POLN: variants seen among roughly 807,000 people sequenced by gnomAD.
The protein encoded by POLN is DNA polymerase nu, also known as DNA polymerase N.
A neutral mutation model predicts 113.5 loss-of-function variants in POLN; 108 were observed. The observed-to-expected ratio is 0.95, with a 90% CI of 0.81 to 1.12. The LOEUF is 1.12. Ranked by LOEUF, POLN falls within the 50% of genes most tolerant of loss-of-function variation. POLN has a pLI of 0.00. For synonymous variants in POLN, 386 were observed against 391.5 expected, an observed-to-expected ratio of 0.99 and a Z score of 0.17; for missense variants, 1,097 against 1,077.1, an observed-to-expected ratio of 1.02 and a Z score of -0.26.
Position 2,087,641 on chromosome 4 carries a change from G to T in POLN, c.2066-1897C>A, listed in dbSNP as rs912736294. On this transcript the variant is annotated intron_variant, in intron 20 of 25. Coordinates refer to ENST00000511885, the MANE Select transcript of POLN (RefSeq NM_181808.4). Reference sequence around the variant, plus strand: ...ACTTCCTTGAGCTTAGTAATTAATAGAAACTTTAAAATCCTTGTCTGTTAA... The same window carrying T: ...ACTTCCTTGAGCTTAGTAATTAATATAAACTTTAAAATCCTTGTCTGTTAA... Among the ~76,000 whole-genome samples the T allele has an allele frequency of 9.2e-5, 14 of 152,044 alleles. 1 individual carries two copies. Among genetic ancestry groups the T allele is most frequent in the African/African-American group, 3.1e-4 (13 of 41,374 alleles).
At chr4:2,203,264 G>T (rs944470931) in intron 5 of POLN, among the ~76,000 whole-genome samples, 2 of 152,078 alleles carry the variant, frequency 1.3e-5, no homozygotes, top group African/African-American at 4.8e-5. Flanking sequence ...GCTCAAAAAT[G>T]AAATCAAGAT....
At chr4:2,182,508 A>G (rs1399086889) in intron 7 of POLN, among the ~76,000 whole-genome samples, 1 of 152,218 alleles carries the variant, frequency 6.6e-6, no homozygotes, top group Non-Finnish European at 1.5e-5. Flanking sequence ...TTTCCCTCAG[A>G]GACTCCAGAA....
intron 21 of POLN, among the ~76,000 whole-genome samples, chr4:2,084,157 C>T (rs1730496357): frequency 6.6e-6 from 1 of 152,262 alleles, no homozygotes; most frequent in Admixed American, 6.5e-5. Flanking sequence ...CTAGACTATT[C>T]TCAGGGGTGG....
intron 19 of POLN, among the ~76,000 whole-genome samples, chr4:2,111,144 T>C (rs1290912783): frequency 6.6e-6 from 1 of 152,226 alleles, no homozygotes; most frequent in Admixed American, 6.5e-5. Flanking sequence ...AAAAACCACA[T>C]GATTTTCTCA....
chr4:2,115,828 T>C (rs977233871), intron 19 of POLN, among the ~76,000 whole-genome samples: 4 of 152,212 alleles, frequency 2.6e-5, no homozygotes, highest in Admixed American at 6.5e-5. Flanking sequence ...TGGTTTGAAA[T>C]GTTTTGTGAA....
intron 8 of POLN, among the ~76,000 whole-genome samples, chr4:2,179,095 C>T (rs990070814): frequency 4.6e-5 from 7 of 152,194 alleles, no homozygotes; most frequent in African/African-American, 1.7e-4. Flanking sequence ...GGACAGATTT[C>T]CTAGGAACAG....
At chr4:2,241,829 G>A in intron 1 of POLN, 39 bp from the exon 2 acceptor site, 5 of 985,396 alleles carry the variant, frequency 5.1e-6, no homozygotes, top group Non-Finnish European at 6.0e-6. Flanking sequence ...AATCGCCGTC[G>A]ACACCGAGCT....
intron 21 of POLN, among the ~76,000 whole-genome samples, chr4:2,084,302 G>A (rs549373618): frequency 1.3e-5 from 2 of 152,344 alleles, no homozygotes; most frequent in Admixed American, 6.5e-5. Context: ...TGGCCCACCT[G>A]CCCATGCTGG....
chr4:2,153,082 C>A (rs1248049945), intron 16 of POLN, among the ~76,000 whole-genome samples: 2 of 152,152 alleles, frequency 1.3e-5, no homozygotes, highest in Non-Finnish European at 2.9e-5. Flanking sequence ...TACAACACAC[C>A]CACATGTGGA....
chr4:2,082,429 T>C (rs1730442931), intron 21 of POLN, among the ~76,000 whole-genome samples: 1 of 152,200 alleles, frequency 6.6e-6, no homozygotes, highest in Non-Finnish European at 1.5e-5. Flanking sequence ...AGGAGGGGGA[T>C]GTCTCAGTCA....
At chr4:2,158,093 A>T (rs1423855799) in intron 14 of POLN, among the ~76,000 whole-genome samples, 182 bp from the exon 15 acceptor site, 2 of 152,148 alleles carry the variant, frequency 1.3e-5, no homozygotes, top group Non-Finnish European at 2.9e-5. Context: ...CTGGGATTAC[A>T]GGCATGCGCC....
chr4:2,158,073 T>C (rs897019318), intron 14 of POLN, among the ~76,000 whole-genome samples, 162 bp from the exon 15 acceptor site: 1 of 152,152 alleles, frequency 6.6e-6, no homozygotes, highest in Non-Finnish European at 1.5e-5. Flanking sequence ...TGCCTCAGTC[T>C]CCTGAGTAGC....
At chr4:2,178,717 T>C (rs1733056052) in intron 8 of POLN, among the ~76,000 whole-genome samples, 1 of 151,892 alleles carries the variant, frequency 6.6e-6, no homozygotes, top group Admixed American at 6.6e-5. Flanking sequence ...GTTCAAGCAA[T>C]TCTCCTGCCT....
rs754136457 is a variant in POLN, at chr4:2,170,784, A to C, written c.1459-10T>G. ...ACTTGCCAAAGAGGATCTTCAACAA[A>C]ACAAATTAAACATGGTGAGGGAATC... On this transcript the variant is annotated splice_polypyrimidine_tract_variant and intron_variant, in intron 12 of 25. Coordinates refer to ENST00000511885, the MANE Select transcript of POLN (RefSeq NM_181808.4). 6.2e-7 allele frequency: 1 copy of C among 1,605,322 alleles called. No individual in the cohort carries two copies. Among genetic ancestry groups the C allele is most frequent in the South Asian group, 1.1e-5 (1 of 90,856 alleles).
At chr4:2,114,247 G>C (rs966818569) in intron 19 of POLN, among the ~76,000 whole-genome samples, 19 of 151,618 alleles carry the variant, frequency 1.3e-4, no homozygotes, top group Admixed American at 8.5e-4. Context: ...ACTACATACA[G>C]AACTATATAA....
Position 2,159,139 on chromosome 4 carries a change from A to C in POLN, c.1611+16T>G. ...TCATCACCTTTTACCTTTTACGTAC[A>C]AAAAAATTAACTTACCTGCCTGTAT... On this transcript the variant is annotated intron_variant, in intron 14 of 25. Transcript: ENST00000511885. 1 of 1,579,106 alleles carries C rather than the reference A, an allele frequency of 6.3e-7. No individual in the cohort carries two copies. The highest frequency in any genetic ancestry group is 8.7e-7 in the Non-Finnish European group (1 of 1,149,318).
Position 2,126,103 on chromosome 4 carries a change from C to CCTGGGG in POLN, c.1982+2009_1982+2010insCCCCAG, listed in dbSNP as rs1731572596. Among the ~76,000 whole-genome samples, 1 of 152,186 alleles carries CCTGGGG rather than the reference C, an allele frequency of 6.6e-6. No individual in the cohort carries two copies. The highest frequency in any genetic ancestry group is 2.4e-5 in the African/African-American group (1 of 41,442). On this transcript the variant is annotated intron_variant, in intron 19 of 25. Transcript: ENST00000511885. This position sits in a 1 kb window ranked among gnomAD's most constrained non-coding sequence, Gnocchi z 4.6. Reference sequence around the variant, plus strand: ...TCCAGTGCCCAAAAGCTGGCCTTGGCTCCTGGTGCCCTGGACCCCACCATG... The same window carrying CCTGGGG: ...TCCAGTGCCCAAAAGCTGGCCTTGGCCTGGGGTCCTGGTGCCCTGGACCCCACCATG...
intron 4 of POLN, among the ~76,000 whole-genome samples, chr4:2,211,977 G>A (rs773980592): frequency 6.6e-6 from 1 of 152,120 alleles, no homozygotes; most frequent in Middle Eastern, 3.4e-3. Context: ...CTTCTCTGTG[G>A]AAGATGCCTC....
At chr4:2,160,759 T>C (rs1258007332) in intron 13 of POLN, among the ~76,000 whole-genome samples, 2 of 152,222 alleles carry the variant, frequency 1.3e-5, no homozygotes, top group Non-Finnish European at 2.9e-5. Context: ...TTTAATTTGA[T>C]TGTTGTCCTG....
Sources: allele counts gnomAD v4.1 joint callset (sites outside exome capture counted in the v4.1 genomes callset), GRCh38; gene constraint gnomAD v4.1.1; non-coding constraint Gnocchi (gnomAD v3.1); transcripts MANE v1.5; gene names NCBI Gene and HGNC (gene_info 2026-07-23, HGNC 2026-07-21).